The following DLGAP2 variants were observed in gnomAD, a reference collection of about 807,000 sequenced individuals.
The protein encoded by DLGAP2 is disks large-associated protein 2.
Under a neutral mutation model 100.3 loss-of-function variants are expected in DLGAP2, and 26 were observed. That is an observed-to-expected ratio of 0.26 (90% CI 0.19 to 0.36). The LOEUF is 0.36. Ranked by LOEUF, DLGAP2 falls within the 10% of genes least tolerant of loss-of-function variation. The probability of loss-of-function intolerance (pLI) is 1.00; values close to 1 mark genes in which losing one functional copy is unlikely to be tolerated. For synonymous variants in DLGAP2, 886 were observed against 630.1 expected, an observed-to-expected ratio of 1.41 and a Z score of -6.08; for missense variants, 1,858 against 1,453.2, an observed-to-expected ratio of 1.28 and a Z score of -4.53.
chr8:1,340,687 T>G (rs1801397289), intron 3 of DLGAP2, among the ~76,000 whole-genome samples: 1 of 152,176 alleles, frequency 6.6e-6, no homozygotes, highest in African/African-American at 2.4e-5. Context: ...CTTGGAGACC[T>G]AAAGACAAAC....
Position 1,479,146 on chromosome 8 carries a change from C to A in DLGAP2, c.107-22220C>A, listed in dbSNP as rs1799019461. 2.6e-5 allele frequency among the ~76,000 whole-genome samples: 4 copies of A among 152,244 alleles called. 1 individual carries two copies. In the South Asian group the frequency reaches 8.3e-4, roughly 31 times the overall value. The stretch of plus-strand genomic sequence containing the variant: ...CAACGCTGGGACAGCAGCCAGCAGG[C>A]CAGTGTTTCTTCAGCGGCCTTGAAA... On this transcript the variant is annotated intron_variant, in intron 3 of 14. Transcript: ENST00000637795.
chr8:1,251,109 A>T (rs564074225), intron 2 of DLGAP2, among the ~76,000 whole-genome samples: 62 of 152,314 alleles, frequency 4.1e-4, no homozygotes, highest in Middle Eastern at 3.4e-3. Context: ...GTTACTTTGT[A>T]TTCTTGTCTG....
At chr8:1,037,556 C>T (rs372093700) in intron 2 of DLGAP2, among the ~76,000 whole-genome samples, 4 of 152,208 alleles carry the variant, frequency 2.6e-5, no homozygotes, top group African/African-American at 4.8e-5. Flanking sequence ...CTGTCCCTCC[C>T]GGCATCACCT....
rs756032238 is a variant in DLGAP2, at chr8:1,668,513, C to T, written c.1995C>T (p.Asp665=). ...GCCGCGGCCTCTACAACTCCACGGA[C>T]AGCCTGGACAGCAACAAGGCCATGA... The part of the protein sequence containing the change: ...QDSRGLYNST[D]SLDSNKAMNL... Residue 665 remains aspartate (D), a synonymous_variant, in exon 9 of 15, where the codon GAC becomes GAT. Coordinates refer to ENST00000637795, the MANE Select transcript of DLGAP2 (RefSeq NM_001346810.2). The T allele has an allele frequency of 1.3e-6, 2 of 1,593,068 alleles. No individual in the cohort carries two copies. The highest frequency in any genetic ancestry group is 3.5e-5 in the Admixed American group (2 of 56,924).
chr8:742,384 T>C (rs941675679), intron 1 of DLGAP2, among the ~76,000 whole-genome samples: 2 of 152,236 alleles, frequency 1.3e-5, no homozygotes, highest in African/African-American at 4.8e-5. Context: ...TGTTTCATAC[T>C]CTGTACAAAA....
intron 3 of DLGAP2, among the ~76,000 whole-genome samples, chr8:1,452,230 C>G (rs996133252): frequency 6.6e-6 from 1 of 152,148 alleles, no homozygotes; most frequent in African/African-American, 2.4e-5. Context: ...GCTGGGTGTT[C>G]TGTGGCTGCG....
intron 2 of DLGAP2, among the ~76,000 whole-genome samples, chr8:1,119,258 A>G (rs1795978233): frequency 6.6e-6 from 1 of 152,216 alleles, no homozygotes; most frequent in Admixed American, 6.5e-5. Flanking sequence ...TTGTAGGACT[A>G]CTTTTATTTC....
chr8:1,649,171 A>G (rs1256771482), intron 8 of DLGAP2, among the ~76,000 whole-genome samples: 4 of 152,252 alleles, frequency 2.6e-5, no homozygotes, highest in Non-Finnish European at 5.9e-5. Context: ...CCAAAAGCCA[A>G]TGCTATATAT....
intron 2 of DLGAP2, among the ~76,000 whole-genome samples, chr8:1,120,387 A>T (rs1380942946): frequency 6.6e-6 from 1 of 152,198 alleles, no homozygotes; most frequent in Non-Finnish European, 1.5e-5. Context: ...CACTAACCCT[A>T]GTCCTTCAGA....
intron 1 of DLGAP2, among the ~76,000 whole-genome samples, chr8:906,671 C>T (rs1035825626): frequency 6.6e-6 from 1 of 152,180 alleles, no homozygotes; most frequent in Non-Finnish European, 1.5e-5. Flanking sequence ...GGGGCCAGCA[C>T]CTGACCCCAT....
chr8:806,762 C>T (rs1206625828), intron 1 of DLGAP2, among the ~76,000 whole-genome samples: 1 of 152,232 alleles, frequency 6.6e-6, no homozygotes, highest in Non-Finnish European at 1.5e-5. Context: ...AGCAGACTCT[C>T]CTACTCAATT....
chr8:885,755 G>A (rs921163719), intron 1 of DLGAP2, among the ~76,000 whole-genome samples: 1 of 152,074 alleles, frequency 6.6e-6, no homozygotes, highest in African/African-American at 2.4e-5. Flanking sequence ...ATTGGCTGTG[G>A]GTTTGTCGTA....
intron 2 of DLGAP2, among the ~76,000 whole-genome samples, chr8:1,095,122 C>G (rs1457631345): frequency 2.0e-5 from 3 of 152,066 alleles, no homozygotes; most frequent in Non-Finnish European, 4.4e-5. Context: ...GCATGGACCA[C>G]CTTCCCAGGG....
intron 3 of DLGAP2, among the ~76,000 whole-genome samples, chr8:1,445,572 C>T (rs149070171): frequency 6.6e-6 from 1 of 152,080 alleles, no homozygotes; most frequent in Non-Finnish European, 1.5e-5. Context: ...GTCTTTATAG[C>T]AGCATGATTT....
At chr8:1,138,120 C>T (rs2129050114) in intron 2 of DLGAP2, among the ~76,000 whole-genome samples, 1 of 152,308 alleles carries the variant, frequency 6.6e-6, no homozygotes, top group South Asian at 2.1e-4. Context: ...GCCATGAATC[C>T]AGCAGAGCGA....
chr8:1,517,988 C>G (rs1415413880), intron 4 of DLGAP2, among the ~76,000 whole-genome samples: 1 of 152,204 alleles, frequency 6.6e-6, no homozygotes, highest in African/African-American at 2.4e-5. Flanking sequence ...CTGAATTTCA[C>G]TCAAGGCAGA....
intron 3 of DLGAP2, among the ~76,000 whole-genome samples, chr8:1,467,184 C>T (rs148531181): frequency 1.1e-3 from 171 of 152,118 alleles, no homozygotes; most frequent in African/African-American, 3.2e-3. Context: ...CCAGCAGGGG[C>T]CCAGGAGGTC....
At chr8:1,003,183 A>T (rs1005199695) in intron 2 of DLGAP2, 2 of 152,182 alleles carry the variant, frequency 1.3e-5, no homozygotes, top group African/African-American at 4.8e-5. Flanking sequence ...CCGCTATGGG[A>T]GGACTCTAAA....
chr8:1,252,986 A>G (rs985605628), intron 2 of DLGAP2, among the ~76,000 whole-genome samples: 4 of 152,212 alleles, frequency 2.6e-5, no homozygotes, highest in Admixed American at 6.5e-5. Flanking sequence ...TGGGCCTCGC[A>G]TCTAGGCACC....
Sources: allele counts gnomAD v4.1 joint callset (sites outside exome capture counted in the v4.1 genomes callset), GRCh38; gene constraint gnomAD v4.1.1; transcripts MANE v1.5; gene names NCBI Gene and HGNC (gene_info 2026-07-23, HGNC 2026-07-21).